Variants in B4GALNT3 observed in about 807,000 individuals in gnomAD.
B4GALNT3 encodes beta-1,4-N-acetylgalactosaminyltransferase 3.
B4GALNT3 carries 86 observed loss-of-function variants against 120.2 expected under a neutral mutation model. The observed-to-expected ratio is 0.72, with a 90% confidence interval of 0.60 to 0.86. B4GALNT3 has a LOEUF of 0.86. Among genes scored for constraint, B4GALNT3 ranks in the 40% least tolerant of loss-of-function variants. The probability of loss-of-function intolerance (pLI) is 0.00; values close to 1 mark genes in which losing one functional copy is unlikely to be tolerated. For synonymous variants in B4GALNT3, 518 were observed against 510.4 expected (o/e 1.01, Z -0.20); for missense variants, 1,167 against 1,298.9 (o/e 0.90, Z 1.56).
At chr12:545,551 T>C (rs947382968) in intron 6 of B4GALNT3, 82 bp downstream of exon 6, 6 of 1,322,008 alleles carry the variant, frequency 4.5e-6, no homozygotes, top group South Asian at 1.3e-5. Context: ...TCATTACTGT[T>C]AGCATCTCTG....
chr12:509,317 G>A (rs1204145928), intron 1 of B4GALNT3, among the ~76,000 whole-genome samples: 2 of 152,200 alleles, frequency 1.3e-5, no homozygotes, highest in East Asian at 1.9e-4. Context: ...ACATTAGAAG[G>A]TGGCCTGGAG....
At chr12:527,922 G>A (rs557192706) in intron 1 of B4GALNT3, among the ~76,000 whole-genome samples, 1 of 151,220 alleles carries the variant, frequency 6.6e-6, no homozygotes, top group Non-Finnish European at 1.5e-5. Flanking sequence ...ATGGTCTGGG[G>A]GTGTGTGTGT....
At chr12:551,938 C>G in intron 11 of B4GALNT3, 125 bp from the exon 12 acceptor site, 4 of 742,180 alleles carry the variant, frequency 5.4e-6, no homozygotes, top group South Asian at 4.6e-5. Flanking sequence ...CCCTTCTCTC[C>G]CTGCCAAGGG....
intron 1 of B4GALNT3, among the ~76,000 whole-genome samples, chr12:512,899 C>T (rs1470726430): frequency 3.5e-5 from 5 of 142,502 alleles, no homozygotes; most frequent in East Asian, 2.2e-4. Flanking sequence ...TTCTACCTTC[C>T]GCCTTCCGCT....
chr12:461,072 T>G (rs1027777542), intron 1 of B4GALNT3, among the ~76,000 whole-genome samples: 1 of 152,246 alleles, frequency 6.6e-6, no homozygotes, highest in African/African-American at 2.4e-5. Flanking sequence ...GGGTTCTTTT[T>G]TACCATACCT....
chr12:553,370 CG>C lies in B4GALNT3; in HGVS notation c.1450del (p.Glu484ArgfsTer55). 3.7e-6 allele frequency: 6 copies of C among 1,613,820 alleles called. No homozygotes were observed. The highest frequency in any genetic ancestry group is 5.1e-6 in the Non-Finnish European group (6 of 1,180,044). Reference sequence around the variant, plus strand: ...CCTGCGGAAACTCCTGGCTCAGCCCCGGGAGGGCCTGCTGGCCCCCTTCTCC... The same window carrying C: ...CCTGCGGAAACTCCTGGCTCAGCCCCGGAGGGCCTGCTGGCCCCCTTCTCC... ...RSLRKLLAQP[R>X]EGLLAPFSKR... On this transcript the variant is annotated frameshift_variant, in exon 14 of 20. Coordinates refer to ENST00000266383, the MANE Select transcript of B4GALNT3 (RefSeq NM_173593.4). LOFTEE classifies it high-confidence loss of function.
intron 1 of B4GALNT3, among the ~76,000 whole-genome samples, chr12:469,090 G>A (rs915735007): frequency 6.6e-6 from 1 of 152,188 alleles, no homozygotes; most frequent in Non-Finnish European, 1.5e-5. Flanking sequence ...GAATGTTTAT[G>A]GAGCATTTAC....
At chr12:539,543 AAAAAAAAAG>A (rs1022598245) in intron 3 of B4GALNT3, among the ~76,000 whole-genome samples, 1 of 151,994 alleles carries the variant, frequency 6.6e-6, no homozygotes, top group Non-Finnish European at 1.5e-5. Flanking sequence ...TTAAAAAAAA[AAAAAAAAAG>A]AAAGAAACAG....
chr12:480,870 A>T (rs1169051325), intron 1 of B4GALNT3, among the ~76,000 whole-genome samples: 2 of 152,208 alleles, frequency 1.3e-5, no homozygotes, highest in Admixed American at 1.3e-4. Context: ...GACCGTGGTC[A>T]TCTTTGTCAC....
intron 1 of B4GALNT3, among the ~76,000 whole-genome samples, chr12:505,085 G>A (rs553598292): frequency 6.6e-6 from 1 of 151,980 alleles, no homozygotes; most frequent in Admixed American, 6.6e-5. Context: ...GTAGAGACAG[G>A]GTTTCACCAT....
intron 1 of B4GALNT3, among the ~76,000 whole-genome samples, chr12:513,913 A>T (rs1946623744): frequency 6.6e-6 from 1 of 152,104 alleles, no homozygotes; most frequent in Admixed American, 6.6e-5. Flanking sequence ...GCTAAGTTAT[A>T]TTCTGTTGTG....
chr12:486,638 G>T (rs542335379), intron 1 of B4GALNT3, among the ~76,000 whole-genome samples: 1 of 152,334 alleles, frequency 6.6e-6, no homozygotes, highest in South Asian at 2.1e-4. Flanking sequence ...CCCATCTAGA[G>T]TGGGGAGAAG....
At chr12:540,662 AAGGT>A (rs1436925413) in intron 3 of B4GALNT3, among the ~76,000 whole-genome samples, 1 of 152,172 alleles carries the variant, frequency 6.6e-6, no homozygotes, top group Non-Finnish European at 1.5e-5. Context: ...GAGGCTGGAA[AAGGT>A]AGGTCAGACT....
chr12:494,963 A>G (rs920323932), intron 1 of B4GALNT3, among the ~76,000 whole-genome samples: 1 of 152,226 alleles, frequency 6.6e-6, no homozygotes, highest in African/African-American at 2.4e-5. Flanking sequence ...AAACCTGGGT[A>G]TAAAAAGGAG....
chr12:545,571 C>T (rs890005113), intron 6 of B4GALNT3, 102 bp downstream of exon 6: 4 of 1,196,018 alleles, frequency 3.3e-6, no homozygotes, highest in African/African-American at 1.5e-5. Flanking sequence ...GGTGTGACAG[C>T]GGGGAAGAAG....
At chr12:497,664 GT>G in intron 1 of B4GALNT3, among the ~76,000 whole-genome samples, 1 of 152,156 alleles carries the variant, frequency 6.6e-6, no homozygotes, top group African/African-American at 2.4e-5. Context: ...TGGTAACTCT[GT>G]TTAACTTTCT....
chr12:536,275 C>T lies in B4GALNT3; in HGVS notation c.331C>T (p.Pro111Ser), dbSNP rs373155570. The T allele has an allele frequency of 2.5e-6, 4 of 1,613,954 alleles. No homozygotes were observed. Among genetic ancestry groups the T allele is most frequent in the African/African-American group, 1.3e-5 (1 of 75,042 alleles). Residue 111 changes from proline (P) to serine (S), a missense_variant, in exon 3 of 20, where the codon CCT (proline) becomes TCT (serine). This residue lies in a region of B4GALNT3 where 171 missense variants were observed against 161.3 expected (regional missense o/e 1.06). Coordinates refer to ENST00000266383, the MANE Select transcript of B4GALNT3 (RefSeq NM_173593.4). ...CAGCAGCTACTTGAAGTGGAACAAG[C>T]CTGTCCCCTGGCTCTCAGAGGTGAG... ...SNSSYLKWNKPVPWLSEFRGR... is the reference protein window; with the variant it reads ...SNSSYLKWNKSVPWLSEFRGR...
At position 523,219 on chromosome 12, in the gene B4GALNT3, A is replaced by G. The variant is rs997921037; in HGVS notation, c.170-11947A>G. ...CAGTCCCTAGCCCAGAATCGTGACC[A>G]GCAGATGCCTAATCGGTTCTAGCAT... On this transcript the variant is annotated intron_variant, in intron 1 of 19. Coordinates refer to ENST00000266383, the MANE Select transcript of B4GALNT3 (RefSeq NM_173593.4). Among the ~76,000 whole-genome samples, 18 of 152,172 alleles carry G rather than the reference A, an allele frequency of 1.2e-4. No individual in the cohort carries two copies. In the South Asian group the frequency reaches 2.7e-3, roughly 23 times the overall value.
At chr12:543,036 G>T in intron 3 of B4GALNT3, 1 of 1,155,506 alleles carries the variant, frequency 8.7e-7, no homozygotes, top group Non-Finnish European at 1.1e-6. Flanking sequence ...GCTCCTCCTA[G>T]TTCCCTGTCC....
Sources: gnomAD v4.1 joint callset for allele counts (sites outside exome capture counted in the v4.1 genomes callset) on GRCh38, gnomAD v4.1.1 for gene constraint, gnomAD v4.1.1 regional missense constraint, MANE v1.5 for transcripts, NCBI Gene and HGNC (gene_info 2026-07-23, HGNC 2026-07-21) for gene names.